Variants in EYS observed in about 807,000 individuals in gnomAD.
EYS encodes EGF-like photoreceptor maintenance factor, also known as protein eyes shut homolog.
Under a neutral mutation model 282.1 loss-of-function variants are expected in EYS, and 250 were observed. That is an observed-to-expected ratio of 0.89 (90% CI 0.80 to 0.98). The LOEUF (loss-of-function observed/expected upper bound fraction) is 0.98. Among genes scored for constraint, EYS ranks in the 50% least tolerant of loss-of-function variants. EYS has a pLI of 0.00. For missense variants in EYS, 4,016 were observed against 3,709.0 expected (o/e 1.08, Z -2.15); for synonymous variants, 1,355 against 1,282.9 (o/e 1.06, Z -1.20).
Position 65,353,541 on chromosome 6 carries a change from C to T in EYS, c.1376G>A (p.Cys459Tyr). The change falls in exon 9 of 43, where the codon TGC becomes TAC. Residue 459 changes from cysteine (C) to tyrosine (Y), a missense_variant. Physicochemically the swap from Cys to Tyr is radical, Grantham distance 194. Coordinates refer to ENST00000503581, the MANE Select transcript of EYS (RefSeq NM_001142800.2). ...KNVYLIHQHL[C>Y]YCGVTFHGIC... Reference sequence around the variant, plus strand: ...ACCATGGAAGGTGACTCCACAGTAGCAGAGGTGTTGATGAATTAGGTAAAC... The same window carrying T: ...ACCATGGAAGGTGACTCCACAGTAGTAGAGGTGTTGATGAATTAGGTAAAC... 6.2e-7 allele frequency: 1 copy of T among 1,613,094 alleles called. No individual in the cohort carries two copies. Among genetic ancestry groups the T allele is most frequent in the Non-Finnish European group, 8.5e-7 (1 of 1,179,390 alleles).
At chr6:65,057,950 T>A (rs1773465425) in intron 12 of EYS, among the ~76,000 whole-genome samples, 1 of 152,118 alleles carries the variant, frequency 6.6e-6, no homozygotes, top group Non-Finnish European at 1.5e-5. Context: ...ACTAATCTCT[T>A]CTGAGTTTGT....
chr6:64,612,216 A>G (rs1285955915), intron 24 of EYS, among the ~76,000 whole-genome samples: 1 of 152,130 alleles, frequency 6.6e-6, no homozygotes, highest in Non-Finnish European at 1.5e-5. Context: ...TCATTTTAAT[A>G]CAAATACAGC....
rs540955074 is a variant in EYS, at chr6:65,365,859, T to C, written c.1300-12242A>G. ...AGAATGTTGGCTGTCTAGTAAATTATGTATGATTCTCACTTTGTAATGTGG... is the reference window on the plus strand; with the variant it reads ...AGAATGTTGGCTGTCTAGTAAATTACGTATGATTCTCACTTTGTAATGTGG... On this transcript the variant is annotated intron_variant, in intron 8 of 42. Coordinates refer to ENST00000503581, the MANE Select transcript of EYS (RefSeq NM_001142800.2). 1.2e-3 allele frequency among the ~76,000 whole-genome samples: 182 copies of C among 151,854 alleles called. 1 individual carries two copies. Among genetic ancestry groups the C allele is most frequent in the Non-Finnish European group, 1.5e-3 (99 of 67,946 alleles).
At chr6:63,796,376 C>A (rs1252065719) in intron 37 of EYS, among the ~76,000 whole-genome samples, 1 of 152,130 alleles carries the variant, frequency 6.6e-6, no homozygotes, top group Non-Finnish European at 1.5e-5. Flanking sequence ...ATAGACAGTG[C>A]TGTGAGATCC....
chr6:64,643,342 G>C (rs1768239795), intron 22 of EYS, among the ~76,000 whole-genome samples: 1 of 152,114 alleles, frequency 6.6e-6, no homozygotes, highest in African/African-American at 2.4e-5. Flanking sequence ...CCAATACTTT[G>C]GAGGTTTAAA....
intron 8 of EYS, among the ~76,000 whole-genome samples, chr6:65,367,140 C>T (rs1424878852): frequency 6.6e-6 from 1 of 151,680 alleles, no homozygotes; most frequent in East Asian, 1.9e-4. Context: ...CCAGCATACT[C>T]TGGATGCTCA....
At chr6:64,351,310 G>A (rs1771626495) in intron 29 of EYS, among the ~76,000 whole-genome samples, 1 of 151,436 alleles carries the variant, frequency 6.6e-6, no homozygotes, top group African/African-American at 2.4e-5. Flanking sequence ...CTATTTAAAT[G>A]TAGCAAACAT....
intron 22 of EYS, among the ~76,000 whole-genome samples, chr6:64,633,347 C>A (rs9345325): frequency 4.9e-4 from 75 of 152,084 alleles, no homozygotes; most frequent in Non-Finnish European, 8.8e-4. Context: ...GATATTATTT[C>A]GTATCACTTT....
chr6:65,137,432 A>G (rs931104693), intron 12 of EYS, among the ~76,000 whole-genome samples: 2 of 152,104 alleles, frequency 1.3e-5, no homozygotes, highest in Admixed American at 6.6e-5. Context: ...ACTGTGGGCC[A>G]TGATAAAGAC....
chr6:64,372,335 T>C (rs751880559), intron 29 of EYS, among the ~76,000 whole-genome samples: 11 of 152,064 alleles, frequency 7.2e-5, no homozygotes, highest in Non-Finnish European at 1.6e-4. Flanking sequence ...TGGATGAAAA[T>C]TATTTTCTTT....
chr6:64,536,432 C>G (rs1279422792), intron 26 of EYS, among the ~76,000 whole-genome samples: 3 of 152,142 alleles, frequency 2.0e-5, no homozygotes, highest in African/African-American at 7.2e-5. Flanking sequence ...ACGACAATTA[C>G]AGGTACTCTC....
intron 14 of EYS, among the ~76,000 whole-genome samples, chr6:64,956,384 C>T (rs893269477): frequency 6.6e-6 from 1 of 152,096 alleles, no homozygotes; most frequent in Non-Finnish European, 1.5e-5. Context: ...AGCTGGATAT[C>T]CATAGACAAA....
intron 33 of EYS, among the ~76,000 whole-genome samples, chr6:64,017,566 A>G (rs1226109700): frequency 6.6e-6 from 1 of 152,126 alleles, no homozygotes; most frequent in Non-Finnish European, 1.5e-5. Context: ...CTGATGCATA[A>G]TGCACACAAT....
At chr6:65,219,394 T>G (rs1229212692) in intron 12 of EYS, among the ~76,000 whole-genome samples, 1 of 152,106 alleles carries the variant, frequency 6.6e-6, no homozygotes, top group Non-Finnish European at 1.5e-5. Context: ...TAAATTATCT[T>G]GGTGATTAAA....
At chr6:63,782,493 C>G (rs1300491645) in intron 39 of EYS, among the ~76,000 whole-genome samples, 3 of 152,112 alleles carry the variant, frequency 2.0e-5, no homozygotes, top group Admixed American at 2.0e-4. Context: ...ATATATGTGT[C>G]CAGGAATTTA....
chr6:65,455,050 T>A lies in EYS; in HGVS notation c.862+35544A>T, dbSNP rs1764550144. ...TTTCTTTTGTGAAGAATGTTACTGG[T>A]ATTTTGATAGAGATTGTAATAAATG... is the stretch of plus-strand genomic sequence containing the variant. On this transcript the variant is annotated intron_variant, in intron 5 of 42. Coordinates refer to ENST00000503581, the MANE Select transcript of EYS (RefSeq NM_001142800.2). Among the ~76,000 whole-genome samples the A allele has an allele frequency of 3.3e-5, 5 of 152,240 alleles. No homozygotes were observed. In the South Asian group the frequency reaches 1.0e-3, roughly 32 times the overall value.
intron 12 of EYS, among the ~76,000 whole-genome samples, chr6:65,265,563 T>C (rs1331245507): frequency 6.6e-6 from 1 of 152,004 alleles, no homozygotes; most frequent in African/African-American, 2.4e-5. Context: ...AAAATAACAA[T>C]GTGTATAGAG....
intron 30 of EYS, among the ~76,000 whole-genome samples, chr6:64,280,584 T>A (rs1418451699): frequency 1.3e-5 from 2 of 152,182 alleles, no homozygotes; most frequent in East Asian, 3.9e-4. Context: ...CAACACCGTA[T>A]AAAATAGGTC....
chr6:64,755,740 C>A (rs971577208), intron 22 of EYS, among the ~76,000 whole-genome samples: 17 of 151,938 alleles, frequency 1.1e-4, no homozygotes, highest in African/African-American at 4.1e-4. Flanking sequence ...TGGGAACTCA[C>A]AACAGTGGGA....
Sources: allele counts gnomAD v4.1 joint callset (sites outside exome capture counted in the v4.1 genomes callset), GRCh38; gene constraint gnomAD v4.1.1; transcripts MANE v1.5; gene names NCBI Gene and HGNC (gene_info 2026-07-23, HGNC 2026-07-21).